Variants in SPECC1 observed in about 807,000 individuals in gnomAD.
SPECC1 encodes cytospin-B.
SPECC1 carries 62 observed loss-of-function variants against 104.1 expected under a neutral mutation model. The observed-to-expected ratio is 0.60, with a 90% CI of 0.49 to 0.74. The LOEUF (loss-of-function observed/expected upper bound fraction) is 0.74, where lower values mean the gene tolerates loss of function less well. Ranked by LOEUF, SPECC1 falls within the 30% of genes least tolerant of loss-of-function variation. The pLI is 0.00. For synonymous variants in SPECC1, 513 were observed against 501.6 expected (o/e 1.02, Z -0.30); for missense variants, 1,306 against 1,310.5 (o/e 1.00, Z 0.05).
chr17:20,111,405 G>A (rs964602942), intron 3 of SPECC1, among the ~76,000 whole-genome samples: 8 of 152,090 alleles, frequency 5.3e-5, no homozygotes, highest in African/African-American at 1.7e-4. Context: ...AACCATACAA[G>A]GTATTCTTTT....
At chr17:20,026,428 C>T (rs576121727) in intron 1 of SPECC1, among the ~76,000 whole-genome samples, 1 of 152,242 alleles carries the variant, frequency 6.6e-6, no homozygotes, top group East Asian at 1.9e-4. Flanking sequence ...ACTTATTCTT[C>T]TTACATAGCT....
At chr17:20,301,865 C>T (rs942069204) in intron 13 of SPECC1, among the ~76,000 whole-genome samples, 3 of 152,138 alleles carry the variant, frequency 2.0e-5, no homozygotes, top group African/African-American at 7.2e-5. Context: ...GGCACTACAC[C>T]TGGCTAGTTT....
chr17:20,124,551 A>G (rs1405852197), intron 3 of SPECC1, among the ~76,000 whole-genome samples: 2 of 152,220 alleles, frequency 1.3e-5, no homozygotes, highest in African/African-American at 2.4e-5. Context: ...TCTTGTTTTC[A>G]TAATTTTAGA....
chr17:20,121,596 T>C (rs2049034990), intron 3 of SPECC1, among the ~76,000 whole-genome samples: 1 of 152,202 alleles, frequency 6.6e-6, no homozygotes, highest in Non-Finnish European at 1.5e-5. Context: ...CCCAAAGTGC[T>C]GGGATTACAG....
At chr17:20,253,285 G>A (rs1166507706) in intron 9 of SPECC1, among the ~76,000 whole-genome samples, 1 of 152,160 alleles carries the variant, frequency 6.6e-6, no homozygotes, top group Non-Finnish European at 1.5e-5. Context: ...GAAGGAAAAG[G>A]AGACTTTCTC....
At chr17:20,023,810 A>T (rs866976154) in intron 1 of SPECC1, among the ~76,000 whole-genome samples, 44 of 85,924 alleles carry the variant, frequency 5.1e-4, no homozygotes, top group African/African-American at 1.2e-3. Flanking sequence ...GGCAGAAAAT[A>T]AAAAAAAAAA....
At chr17:20,136,768 A>G (rs1409022803) in intron 3 of SPECC1, among the ~76,000 whole-genome samples, 2 of 152,204 alleles carry the variant, frequency 1.3e-5, no homozygotes, top group Admixed American at 6.5e-5. Flanking sequence ...CTATCATTCC[A>G]TAAAGAACCT....
chr17:20,017,937 T>C (rs539987316), intron 1 of SPECC1: 2 of 133,254 alleles, frequency 1.5e-5, no homozygotes, highest in East Asian at 2.4e-4. Flanking sequence ...GGTGATTCTT[T>C]ATGTGTTCAT....
At chr17:20,117,604 T>C (rs2048822339) in intron 3 of SPECC1, among the ~76,000 whole-genome samples, 2 of 148,428 alleles carry the variant, frequency 1.3e-5, no homozygotes, top group East Asian at 4.1e-4. Flanking sequence ...CTGGGCAACA[T>C]AGTGAGACCT....
chr17:20,219,774 T>A (rs2037742580), intron 4 of SPECC1, among the ~76,000 whole-genome samples: 3 of 152,174 alleles, frequency 2.0e-5, no homozygotes, highest in Admixed American at 1.3e-4. Context: ...CTGGAGAGTT[T>A]CCCCAATGTT....
chr17:20,270,433 C>CAAAAAAAAAAAAAAAAAAAAAAAAAAAA, intron 12 of SPECC1, among the ~76,000 whole-genome samples: 1 of 43,550 alleles, frequency 2.3e-5, no homozygotes, highest in Non-Finnish European at 3.9e-5. Flanking sequence ...CTGTCTTTAC[C>CAAAAAAAAAAAAAAAAAAAAAAAAAAAA]AAAAAAAAAA....
At chr17:20,252,020 A>G (rs894354389) in intron 9 of SPECC1, among the ~76,000 whole-genome samples, 4 of 152,206 alleles carry the variant, frequency 2.6e-5, no homozygotes, top group African/African-American at 9.7e-5. Flanking sequence ...TCTAAGATAC[A>G]GTAAGTGAAA....
chr17:20,178,948 A>G (rs2034667796), intron 3 of SPECC1, among the ~76,000 whole-genome samples: 1 of 152,198 alleles, frequency 6.6e-6, no homozygotes, highest in Admixed American at 6.5e-5. Context: ...GTTTTGAGGG[A>G]AATTGGGATG....
chr17:20,297,280 C>A lies in SPECC1; in HGVS notation c.3057+203C>A, dbSNP rs904729884. Reference sequence around the variant, plus strand: ...CCTCAGTTTCCCTTCTCAGGAATCTCAGCTTCATGGTTTCAAGACCTTGGC... The same window carrying A: ...CCTCAGTTTCCCTTCTCAGGAATCTAAGCTTCATGGTTTCAAGACCTTGGC... On this transcript the variant is annotated intron_variant, in intron 13 of 14. Transcript: ENST00000395527. Among the ~76,000 whole-genome samples, 5 of 152,336 alleles carry A rather than the reference C, an allele frequency of 3.3e-5. No individual in the cohort carries two copies. The East Asian group carries it at 9.6e-4, about 29-fold the overall frequency.
intron 7 of SPECC1, among the ~76,000 whole-genome samples, chr17:20,240,505 T>C (rs1286184993): frequency 6.6e-6 from 1 of 152,210 alleles, no homozygotes; most frequent in Non-Finnish European, 1.5e-5. Flanking sequence ...CCCAGTATTA[T>C]ACAAATGTGC....
At chr17:20,147,377 T>A (rs2031570247) in intron 3 of SPECC1, among the ~76,000 whole-genome samples, 1 of 152,152 alleles carries the variant, frequency 6.6e-6, no homozygotes, top group Non-Finnish European at 1.5e-5. Context: ...TGGCCATGGA[T>A]CATGATTTAA....
chr17:20,264,262 C>A (rs893639442), intron 12 of SPECC1, among the ~76,000 whole-genome samples: 1 of 151,908 alleles, frequency 6.6e-6, no homozygotes, highest in South Asian at 2.1e-4. Flanking sequence ...GTTATAGATT[C>A]AGGGGGTGAG....
intron 1 of SPECC1, among the ~76,000 whole-genome samples, chr17:20,048,730 A>G (rs2045633711): frequency 6.6e-6 from 1 of 151,596 alleles, no homozygotes; most frequent in Non-Finnish European, 1.5e-5. Context: ...ACATAGTGAG[A>G]CCCTGTATAT....
At chr17:20,276,635 TAGCAGCGTGGTAAG>T (rs1215494806) in intron 12 of SPECC1, among the ~76,000 whole-genome samples, 8 of 152,164 alleles carry the variant, frequency 5.3e-5, no homozygotes, top group African/African-American at 1.9e-4. Flanking sequence ...CCCAGGCACC[TAGCAGCGTGGTAAG>T]GTGTGTGAGT....
Sources: allele counts gnomAD v4.1 joint callset (sites outside exome capture counted in the v4.1 genomes callset), GRCh38; gene constraint gnomAD v4.1.1; transcripts MANE v1.5; gene names NCBI Gene and HGNC (gene_info 2026-07-23, HGNC 2026-07-21).